Variants in STK11IP observed in about 807,000 individuals in gnomAD.
STK11IP encodes serine/threonine kinase 11 interacting protein.
Under a neutral mutation model 131.7 loss-of-function variants are expected in STK11IP, and 103 were observed. That is an observed-to-expected ratio of 0.78 (90% CI 0.67 to 0.92). The LOEUF (loss-of-function observed/expected upper bound fraction) is 0.92, where lower values mean the gene tolerates loss of function less well. Among genes scored for constraint, STK11IP ranks in the 40% least tolerant of loss-of-function variants. The pLI is 0.00. For synonymous variants in STK11IP, 557 were observed against 575.6 expected (o/e 0.97, Z 0.46); for missense variants, 1,315 against 1,385.7 (o/e 0.95, Z 0.81).
chr2:219,602,592 G>A lies in STK11IP; in HGVS notation c.546+17G>A. ...AGCTCCCTGGTGAGTGCCTCAGAGG[G>A]AAGAGGGTTTCGAGGAAGGGCAAGG... is the stretch of plus-strand genomic sequence containing the variant. On this transcript the variant is annotated intron_variant, in intron 6 of 24. Coordinates refer to ENST00000456909, the MANE Select transcript of STK11IP (RefSeq NM_052902.4). 1.2e-6 allele frequency: 2 copies of A among 1,613,292 alleles called. No homozygotes were observed. Among genetic ancestry groups the A allele is most frequent in the Non-Finnish European group, 1.7e-6 (2 of 1,179,286 alleles).
chr2:219,606,314 T>G (rs1198442345), intron 10 of STK11IP, 24 bp downstream of exon 10: 2 of 1,555,486 alleles, frequency 1.3e-6, no homozygotes, highest in East Asian at 4.8e-5. Flanking sequence ...CTGTGTCCAC[T>G]CTTCTTCCCC....
intron 17 of STK11IP, among the ~76,000 whole-genome samples, chr2:219,610,407 T>A (rs74725379): frequency 6.6e-6 from 1 of 152,170 alleles, no homozygotes; most frequent in African/African-American, 2.4e-5. Flanking sequence ...AATTTTTTTT[T>A]TTCTTTTTTT....
At chr2:219,602,914 T>C in intron 7 of STK11IP, 138 bp downstream of exon 7, 4 of 791,426 alleles carry the variant, frequency 5.1e-6, no homozygotes, top group Non-Finnish European at 8.2e-6. Context: ...ATAGCACTGC[T>C]TAGACACTAG....
intron 15 of STK11IP, 22 bp from the exon 16 acceptor site, chr2:219,609,075 C>T (rs754834005): frequency 2.3e-5 from 36 of 1,540,712 alleles, no homozygotes; most frequent in East Asian, 4.8e-5. Flanking sequence ...GTTTTTCACC[C>T]GGTCCCCCTC....
chr2:219,607,102 A>G lies in STK11IP; in HGVS notation c.1184A>G (p.Asp395Gly), dbSNP rs201409370. 3.2e-5 allele frequency: 51 copies of G among 1,613,718 alleles called. No individual in the cohort carries two copies. In the African/African-American group the frequency reaches 6.7e-4, roughly 21 times the overall value. Residue 395 changes from aspartate to glycine, a missense_variant, in exon 13 of 25, where the codon GAC (aspartate) becomes GGC (glycine). Physicochemically the swap from Asp to Gly is moderately conservative, Grantham distance 94. Coordinates refer to ENST00000456909, the MANE Select transcript of STK11IP (RefSeq NM_052902.4). Reference protein sequence around the residue: ...RASISEPSDTDPEPRTLNPSP... With the variant: ...RASISEPSDTGPEPRTLNPSP... ...AGCATCTCTGAACCCAGTGATACGG[A>G]CCCGGAGCCCCGAACTCTGAACCCC...
In STK11IP at chr2:219,613,749, C is replaced by T; in HGVS notation, c.2538-3C>T. The T allele has an allele frequency of 6.2e-7, 1 of 1,612,328 alleles. No homozygotes were observed. On this transcript the variant is annotated splice_region_variant and splice_polypyrimidine_tract_variant and intron_variant, in intron 20 of 24. Coordinates refer to ENST00000456909, the MANE Select transcript of STK11IP (RefSeq NM_052902.4). ...TCCATTGCTCTGTCCCCTCTCTCCA[C>T]AGTGAGCCTCCAGCTAGCTGGCTGC...
intron 2 of STK11IP, among the ~76,000 whole-genome samples, chr2:219,599,939 T>C (rs1697924983): frequency 6.6e-6 from 1 of 151,986 alleles, no homozygotes; most frequent in South Asian, 2.1e-4. Flanking sequence ...GGTTTCACCA[T>C]ATTGGCCAGG....
intron 2 of STK11IP, among the ~76,000 whole-genome samples, chr2:219,600,001 G>T (rs1697927902): frequency 6.7e-6 from 1 of 148,560 alleles, no homozygotes; most frequent in Non-Finnish European, 1.5e-5. Flanking sequence ...CTCCCAAAGT[G>T]CTGGGATTAC....
chr2:219,614,454 G>A (rs747281782), intron 22 of STK11IP, 22 bp from the exon 23 acceptor site: 4 of 1,612,816 alleles, frequency 2.5e-6, no homozygotes, highest in Middle Eastern at 1.7e-4. Flanking sequence ...TGATCTTCCT[G>A]TGCCTGCCAT....
At chr2:219,605,878 C>T in intron 8 of STK11IP, 78 bp from the exon 9 acceptor site, 1 of 1,476,292 alleles carries the variant, frequency 6.8e-7, no homozygotes, top group Non-Finnish European at 9.3e-7. Flanking sequence ...TCTGCTGCAA[C>T]CTCCCCCAGT....
Position 219,615,335 on chromosome 2 carries a change from C to T in STK11IP, c.3111C>T (p.Tyr1037=), listed in dbSNP as rs752167793. The part of the protein sequence containing the change: ...SAPEDLRLLF[Y]DEVSRLESFW... ...CTGAGGACTTGCGGCTGCTCTTCTA[C>T]GATGAGGTGTGTATGTGTATCTCCA... Residue 1037 remains tyrosine (Y), a synonymous_variant, in exon 24 of 25, where the codon TAC becomes TAT. Transcript: ENST00000456909. 14 of 1,600,206 alleles carry T rather than the reference C, an allele frequency of 8.7e-6. No homozygotes were observed. The highest frequency in any genetic ancestry group is 1.0e-5 in the Non-Finnish European group (12 of 1,178,712).
Position 219,610,036 on chromosome 2 carries a change from A to G in STK11IP, c.2104+496A>G, listed in dbSNP as rs1383521037. ...GTCCTGTGGCATTTCTTCATGCGCT[A>G]GTCCTTAAAACAAGAATTGTTTCCA... On this transcript the variant is annotated intron_variant, in intron 17 of 24. Coordinates refer to ENST00000456909, the MANE Select transcript of STK11IP (RefSeq NM_052902.4). The G allele has an allele frequency of 1.8e-5, 3 of 167,984 alleles. No homozygotes were observed. The East Asian group carries it at 4.5e-4, about 25-fold the overall frequency. 10.4% of individuals were successfully genotyped at this position (167,984 alleles called of 1,614,324 possible). A position where few individuals can be genotyped will look rare whatever the true frequency, so the allele number is the denominator to read the frequency against.
At chr2:219,614,726 G>A (rs540482828) in intron 23 of STK11IP, 180 bp downstream of exon 23, 10 of 776,168 alleles carry the variant, frequency 1.3e-5, no homozygotes, top group Admixed American at 1.2e-4. Flanking sequence ...GACCCTCTGG[G>A]TGGGGTTAGG....
At position 219,602,711 on chromosome 2, in the gene STK11IP, T is replaced by A. The variant is rs1305264983; in HGVS notation, c.553T>A (p.Leu185Met). The A allele has an allele frequency of 2.5e-6, 4 of 1,613,298 alleles. No individual in the cohort carries two copies. Among genetic ancestry groups the A allele is most frequent in the Non-Finnish European group, 3.4e-6 (4 of 1,179,658 alleles). Residue 185 changes from leucine (L) to methionine (M), a missense_variant, in exon 7 of 25, where the codon TTG becomes ATG. Transcript: ENST00000456909. ...LTALDSSLRL[L>M]SALRFLNLSH... ...TCCTCCCCGTCTCTCTCAGCGCCTCTTGTCAGCTCTGCGTTTCTTGAACCT... is the reference window on the plus strand; with the variant it reads ...TCCTCCCCGTCTCTCTCAGCGCCTCATGTCAGCTCTGCGTTTCTTGAACCT...
chr2:219,599,849 T>C (rs896689978), intron 2 of STK11IP, among the ~76,000 whole-genome samples: 7 of 151,784 alleles, frequency 4.6e-5, no homozygotes, highest in African/African-American at 1.7e-4. Flanking sequence ...GTGATTCTTC[T>C]GCCTCAGCCT....
At position 219,597,889 on chromosome 2, in the gene STK11IP, G is replaced by C. The variant is rs1559173529; in HGVS notation, c.-61G>C. Reference sequence around the variant, plus strand: ...TTCCATCATTGATAGGCGCCGGGCAGCTGAGCTGGTAGGAGGACCAGACGG... The same window carrying C: ...TTCCATCATTGATAGGCGCCGGGCACCTGAGCTGGTAGGAGGACCAGACGG... On this transcript the variant is annotated 5_prime_UTR_variant, in exon 1 of 25. Transcript: ENST00000456909. 1.9e-6 allele frequency: 3 copies of C among 1,609,292 alleles called. No homozygotes were observed. The highest frequency in any genetic ancestry group is 1.3e-5 in the African/African-American group (1 of 74,896).
intron 17 of STK11IP, among the ~76,000 whole-genome samples, chr2:219,611,123 A>C (rs1698382665): frequency 6.6e-6 from 1 of 152,188 alleles, no homozygotes; most frequent in African/African-American, 2.4e-5. Context: ...ATAGACGAGG[A>C]ACCAGGCTCA....
At chr2:219,601,794 C>T in intron 4 of STK11IP, 79 bp downstream of exon 4, 1 of 1,499,068 alleles carries the variant, frequency 6.7e-7, no homozygotes, top group Non-Finnish European at 9.1e-7. Context: ...AGAAGAGCCT[C>T]TTTGGTGAGG....
At position 219,612,152 on chromosome 2, in the gene STK11IP, G is replaced by A. The variant is rs1698420579; in HGVS notation, c.2439+94G>A. 2.6e-5 allele frequency: 30 copies of A among 1,158,338 alleles called. 1 individual carries two copies. In the South Asian group the frequency reaches 3.9e-4, roughly 15 times the overall value. 71.8% of individuals were successfully genotyped at this position (1,158,338 alleles called of 1,614,324 possible). A position where few individuals can be genotyped will look rare whatever the true frequency, so the allele number is the denominator to read the frequency against. On this transcript the variant is annotated intron_variant, in intron 19 of 24. Coordinates refer to ENST00000456909, the MANE Select transcript of STK11IP (RefSeq NM_052902.4). ...ACTGAGTCAGATCAAGCACTCTAGA[G>A]ACCTGATCTGGCTTCTGGTTTCAAC... is the stretch of plus-strand genomic sequence containing the variant.
Sources: allele counts gnomAD v4.1 joint callset (sites outside exome capture counted in the v4.1 genomes callset), GRCh38; gene constraint gnomAD v4.1.1; transcripts MANE v1.5; gene names NCBI Gene and HGNC (gene_info 2026-07-23, HGNC 2026-07-21).